Variants in NEDD4 observed in about 807,000 individuals in gnomAD.
The protein encoded by NEDD4 is NEDD4 E3 ubiquitin protein ligase, also known as E3 ubiquitin-protein ligase NEDD4.
A neutral mutation model predicts 144.9 loss-of-function variants in NEDD4; 99 were observed. The observed-to-expected ratio is 0.68, with a 90% confidence interval of 0.58 to 0.81. The LOEUF is 0.81. Among genes scored for constraint, NEDD4 ranks in the 30% least tolerant of loss-of-function variants. The pLI is 0.00. For synonymous variants in NEDD4, 318 were observed against 350.6 expected, an observed-to-expected ratio of 0.91 and a Z score of 1.04; for missense variants, 985 against 1,065.9, an observed-to-expected ratio of 0.92 and a Z score of 1.06.
Position 55,827,380 on chromosome 15 carries a change from G to T in NEDD4, c.*2517C>A, listed in dbSNP as rs550559269. On this transcript the variant is annotated 3_prime_UTR_variant, in exon 29 of 29. Transcript: ENST00000435532. ...TTGATAGATGTTTCTTCCAGACCACGAGCCCCTAGTGGGAGATGAAGGGGA... is the reference window on the plus strand; with the variant it reads ...TTGATAGATGTTTCTTCCAGACCACTAGCCCCTAGTGGGAGATGAAGGGGA... The T allele has an allele frequency of 6.6e-6, 1 of 152,242 alleles. No individual in the cohort carries two copies. The highest frequency in any genetic ancestry group is 2.4e-5 in the African/African-American group (1 of 41,544). 9.4% of individuals were successfully genotyped at this position (152,242 alleles called of 1,614,324 possible). A position where few individuals can be genotyped will look rare whatever the true frequency, so the allele number is the denominator to read the frequency against.
chr15:55,961,491 G>C (rs2037426076), intron 2 of NEDD4, among the ~76,000 whole-genome samples: 1 of 126,254 alleles, frequency 7.9e-6, no homozygotes, highest in African/African-American at 2.9e-5. Context: ...TATTATTTGA[G>C]ACGCAGTCTC....
chr15:55,916,508 A>G (rs2036451194), intron 5 of NEDD4: 1 of 1,614,100 alleles, frequency 6.2e-7, no homozygotes, highest in South Asian at 1.1e-5. Context: ...CATCATCACT[A>G]TCAGCTAAGA....
At chr15:55,948,613 C>A (rs191063551) in intron 4 of NEDD4, among the ~76,000 whole-genome samples, 32 of 152,178 alleles carry the variant, frequency 2.1e-4, no homozygotes, top group African/African-American at 7.7e-4. Context: ...GAGATACAGA[C>A]CAATGGAACA....
intron 1 of NEDD4, among the ~76,000 whole-genome samples, chr15:55,975,780 A>G (rs1173108203): frequency 6.6e-6 from 1 of 152,228 alleles, no homozygotes; most frequent in Non-Finnish European, 1.5e-5. Flanking sequence ...AGAAAAAACA[A>G]TCCTAAAATA....
At chr15:55,905,318 C>T (rs1223954161) in intron 5 of NEDD4, 1 of 454,822 alleles carries the variant, frequency 2.2e-6, no homozygotes, top group Middle Eastern at 3.3e-4. Flanking sequence ...GAAGTTTCTT[C>T]TCTGGAGAAA....
In NEDD4 at chr15:55,855,914, C is replaced by A. The variant is rs577034566; in HGVS notation, c.1026+217G>T. Among the ~76,000 whole-genome samples the A allele has an allele frequency of 3.3e-5, 5 of 152,300 alleles. No homozygotes were observed. The South Asian group carries it at 8.3e-4, about 25-fold the overall frequency. ...AACTGACAAGCCCAGATACCACCCA[C>A]AGTCACCAGCATGCAGAGACTTTGC... On this transcript the variant is annotated intron_variant, in intron 12 of 28. Coordinates refer to ENST00000435532, the MANE Select transcript of NEDD4 (RefSeq NM_006154.4).
At chr15:55,878,916 T>A (rs1461210624) in intron 5 of NEDD4, among the ~76,000 whole-genome samples, 1 of 152,194 alleles carries the variant, frequency 6.6e-6, no homozygotes, top group Admixed American at 6.5e-5. Context: ...TCCGCCTCCC[T>A]CGTTCAAGCG....
intron 14 of NEDD4, among the ~76,000 whole-genome samples, chr15:55,849,396 T>C (rs796481842): frequency 1.1e-4 from 17 of 152,192 alleles, no homozygotes; most frequent in African/African-American, 4.1e-4. Flanking sequence ...AGCTAATTTT[T>C]GTATATTTAA....
intron 5 of NEDD4, among the ~76,000 whole-genome samples, chr15:55,877,711 A>G (rs1323376246): frequency 6.6e-6 from 1 of 152,030 alleles, no homozygotes; most frequent in African/African-American, 2.4e-5. Context: ...TTCTTTTTAT[A>G]TTAATTAATT....
At chr15:55,879,765 A>G (rs2035117982) in intron 5 of NEDD4, among the ~76,000 whole-genome samples, 1 of 152,200 alleles carries the variant, frequency 6.6e-6, no homozygotes, top group African/African-American at 2.4e-5. Context: ...AATAAAAAAT[A>G]TAACTCAAAA....
At chr15:55,850,763 T>C (rs1252602838) in intron 13 of NEDD4, 21 bp from the exon 14 acceptor site, 21 of 1,597,302 alleles carry the variant, frequency 1.3e-5, no homozygotes, top group Non-Finnish European at 1.7e-5. Flanking sequence ...AATGAAATCA[T>C]ATTGTAATAT....
chr15:55,988,503 A>AAAAAAAAAAAAAG (rs1566980054), intron 1 of NEDD4, among the ~76,000 whole-genome samples: 1 of 147,896 alleles, frequency 6.8e-6, no homozygotes. Flanking sequence ...AAAAAAAAAA[A>AAAAAAAAAAAAAG]AAAGAAAAAC....
intron 1 of NEDD4, among the ~76,000 whole-genome samples, chr15:55,981,771 T>C (rs948135318): frequency 3.9e-5 from 6 of 152,146 alleles, no homozygotes; most frequent in South Asian, 2.1e-4. Context: ...AATCACACAC[T>C]GTGGGGTAGT....
chr15:55,892,313 TAAATAAA>T (rs1271414741), intron 5 of NEDD4, among the ~76,000 whole-genome samples: 3 of 77,178 alleles, frequency 3.9e-5, no homozygotes, highest in South Asian at 4.4e-4. Flanking sequence ...AATAAATAAA[TAAATAAA>T]TAATAAATAT....
chr15:55,964,663 G>T (rs1254834529), intron 2 of NEDD4, among the ~76,000 whole-genome samples: 1 of 145,528 alleles, frequency 6.9e-6, no homozygotes, highest in Non-Finnish European at 1.5e-5. Flanking sequence ...GTGTGTGTGT[G>T]TGTGTGTGTG....
At chr15:55,920,048 T>A (rs2036541300) in intron 5 of NEDD4, among the ~76,000 whole-genome samples, 1 of 152,070 alleles carries the variant, frequency 6.6e-6, no homozygotes, top group South Asian at 2.1e-4. Flanking sequence ...GCTGAGGGCT[T>A]TGAAAGCAAA....
intron 5 of NEDD4, among the ~76,000 whole-genome samples, chr15:55,880,125 C>T (rs1405896074): frequency 1.3e-5 from 2 of 152,058 alleles, no homozygotes; most frequent in Non-Finnish European, 2.9e-5. Flanking sequence ...AACCCCATCT[C>T]TACTAAAAAT....
At chr15:55,871,629 T>C (rs2034801776) in intron 7 of NEDD4, among the ~76,000 whole-genome samples, 1 of 152,180 alleles carries the variant, frequency 6.6e-6, no homozygotes, top group African/African-American at 2.4e-5. Flanking sequence ...TAACAGTCAG[T>C]GAGCACTCCT....
At chr15:55,958,558 AT>A (rs1270130169) in intron 2 of NEDD4, among the ~76,000 whole-genome samples, 1 of 150,688 alleles carries the variant, frequency 6.6e-6, no homozygotes, top group Admixed American at 6.6e-5. Context: ...TAGAATTTTT[AT>A]TTTTTTTTCC....
Sources: gnomAD v4.1 joint callset for allele counts (sites outside exome capture counted in the v4.1 genomes callset) on GRCh38, gnomAD v4.1.1 for gene constraint, MANE v1.5 for transcripts, NCBI Gene and HGNC (gene_info 2026-07-23, HGNC 2026-07-21) for gene names.